Variants in NGDN observed in about 807,000 individuals in gnomAD.
NGDN encodes neuroguidin.
A neutral mutation model predicts 45.2 loss-of-function variants in NGDN; 41 were observed. The ratio of observed to expected loss-of-function variants is 0.91; its 90% CI spans 0.71 to 1.18. NGDN has a LOEUF of 1.18. Among genes scored for constraint, NGDN ranks in the 50% most tolerant of loss-of-function variants. NGDN has a pLI of 0.00. For synonymous variants in NGDN, 137 were observed against 130.9 expected (o/e 1.05, Z -0.32); for missense variants, 402 against 399.9 (o/e 1.01, Z -0.05).
chr14:23,477,947 C>T (rs1222542874), intron 10 of NGDN, 60 bp from the exon 11 acceptor site: 1 of 1,614,046 alleles, frequency 6.2e-7, no homozygotes, highest in Non-Finnish European at 8.5e-7. Flanking sequence ...GTCCTGTTTT[C>T]CTGTCCCTTT....
chr14:23,475,044 C>G lies in NGDN; in HGVS notation c.145-127C>G, dbSNP rs536460567. ...GGCATAGCTACTTCTTGAGACTATT[C>G]CAGATACCTAATATGAACTGATTGG... is the stretch of plus-strand genomic sequence containing the variant. On this transcript the variant is annotated intron_variant, in intron 3 of 10. Coordinates refer to ENST00000408901, the MANE Select transcript of NGDN (RefSeq NM_001042635.2). The G allele has an allele frequency of 1.3e-4, 108 of 858,790 alleles. 1 individual carries two copies. In the South Asian group the frequency reaches 2.1e-3, roughly 17 times the overall value. 53.2% of individuals were successfully genotyped at this position (858,790 alleles called of 1,614,324 possible).
intron 3 of NGDN, among the ~76,000 whole-genome samples, chr14:23,472,967 T>TA (rs1893817496): frequency 6.6e-6 from 1 of 152,158 alleles, no homozygotes. Context: ...CTCAAATTCT[T>TA]ACCTGTTTTT....
At chr14:23,473,096 T>C (rs1595105709) in intron 3 of NGDN, among the ~76,000 whole-genome samples, 1 of 152,046 alleles carries the variant, frequency 6.6e-6, no homozygotes, top group Non-Finnish European at 1.5e-5. Flanking sequence ...GCCTCCTGGG[T>C]TCAAGTGATT....
intron 3 of NGDN, among the ~76,000 whole-genome samples, chr14:23,474,777 A>C (rs1233226156): frequency 6.6e-6 from 1 of 152,216 alleles, no homozygotes; most frequent in African/African-American, 2.4e-5. Flanking sequence ...TTTGATTGTT[A>C]GAGCTTGGAG....
rs377132524 is a variant in NGDN, at chr14:23,470,731, T to A, written c.73-175T>A. ...AAGAAGTGGAAAGTTTTTTTTTTTT[T>A]AAACTTTTTGAAGAACCATCTCTCC... On this transcript the variant is annotated intron_variant, in intron 2 of 10. Transcript: ENST00000408901. Among the ~76,000 whole-genome samples, 91 of 136,700 alleles carry A rather than the reference T, an allele frequency of 6.7e-4. 1 individual carries two copies. Among genetic ancestry groups the A allele is most frequent in the Non-Finnish European group, 3.6e-4 (22 of 61,728 alleles). The allele number at this position is 136,700 out of a possible 152,430, so 89.7% of individuals were successfully genotyped here.
Position 23,475,282 on chromosome 14 carries a change from G to T in NGDN, c.256G>T (p.Val86Phe). Residue 86 changes from valine to phenylalanine, a missense_variant, in exon 4 of 11, where the codon GTT (valine) becomes TTT (phenylalanine). Coordinates refer to ENST00000408901, the MANE Select transcript of NGDN (RefSeq NM_001042635.2). ...SGGSLQGHDA[V>F]LRLVEIRTVL... ...AGGATCTCTTCAGGGACATGATGCA[G>T]TTTTGAGACTGGTGGAGATTCGCAC... 6.2e-7 allele frequency: 1 copy of T among 1,613,488 alleles called. No homozygotes were observed. Among genetic ancestry groups the T allele is most frequent in the South Asian group, 1.1e-5 (1 of 90,912 alleles).
At chr14:23,477,646 A>G in intron 10 of NGDN, 86 bp downstream of exon 10, 5 of 1,590,122 alleles carry the variant, frequency 3.1e-6, no homozygotes, top group Non-Finnish European at 3.4e-6. Context: ...TCTGGGTCTC[A>G]CCAAGCCCTG....
chr14:23,478,126 T>C lies in NGDN; in HGVS notation c.*100T>C. On this transcript the variant is annotated 3_prime_UTR_variant, in exon 11 of 11. Coordinates refer to ENST00000408901, the MANE Select transcript of NGDN (RefSeq NM_001042635.2). ...CCTGGAATTCATTAATTGTTTGCTT[T>C]GGACATGTGGAAAGAGCCTTACTAA... 1 of 1,210,136 alleles carries C rather than the reference T, an allele frequency of 8.3e-7. No homozygotes were observed. The allele number at this position is 1,210,136 out of a possible 1,614,324, so 75.0% of individuals were successfully genotyped here.
chr14:23,475,952 G>A, intron 6 of NGDN, 77 bp from the exon 7 acceptor site: 1 of 1,574,750 alleles, frequency 6.4e-7, no homozygotes, highest in Non-Finnish European at 8.7e-7. Flanking sequence ...ACCACCCCAG[G>A]GTACTCCAGC....
chr14:23,471,420 G>A (rs992768573), intron 3 of NGDN: 4 of 155,684 alleles, frequency 2.6e-5, no homozygotes, highest in Non-Finnish European at 4.3e-5. Context: ...GACTGGAAAA[G>A]TCACTCTGAA....
chr14:23,477,799 A>G (rs1237054793), intron 10 of NGDN: 1 of 1,458,616 alleles, frequency 6.9e-7, no homozygotes, highest in Non-Finnish European at 9.0e-7. Context: ...AGGCTTCCCT[A>G]AATAGAACTG....
At chr14:23,476,443 C>G (rs1486226476) in intron 8 of NGDN, 36 bp downstream of exon 8, 2 of 1,565,608 alleles carry the variant, frequency 1.3e-6, no homozygotes, top group African/African-American at 1.4e-5. Context: ...TTCCTGCACT[C>G]TAGAGTCCTG....
chr14:23,478,485 C>T (rs971854849), downstream of NGDN: 2 of 154,782 alleles, frequency 1.3e-5, no homozygotes, highest in African/African-American at 2.4e-5. Flanking sequence ...GGGCTGGCCA[C>T]CAGGTGGCAT....
Position 23,476,417 on chromosome 14 carries a change from C to G in NGDN, c.713+10C>G. 1 of 1,600,696 alleles carries G rather than the reference C, an allele frequency of 6.2e-7. No homozygotes were observed. Among genetic ancestry groups the G allele is most frequent in the Non-Finnish European group, 8.5e-7 (1 of 1,172,634 alleles). ...AGGAGGACCAACACAGGTCTGAGCC[C>G]TTGCATTAGAAATTATTCCTGCACT... is the stretch of plus-strand genomic sequence containing the variant. On this transcript the variant is annotated intron_variant, in intron 8 of 10. Coordinates refer to ENST00000408901, the MANE Select transcript of NGDN (RefSeq NM_001042635.2).
Position 23,471,089 on chromosome 14 carries a change from T to C in NGDN, c.144+112T>C, listed in dbSNP as rs1893768040. On this transcript the variant is annotated intron_variant, in intron 3 of 10. Coordinates refer to ENST00000408901, the MANE Select transcript of NGDN (RefSeq NM_001042635.2). The stretch of plus-strand genomic sequence containing the variant: ...TAAGTGCTCGAGCTTCAAACATAAA[T>C]ATGATCCAGTTTCTGTGCTGAAGTC... 3.1e-6 allele frequency: 2 copies of C among 648,350 alleles called. 1 individual carries two copies. Among genetic ancestry groups the C allele is most frequent in the South Asian group, 6.2e-5 (2 of 32,414 alleles). 40.2% of individuals were successfully genotyped at this position (648,350 alleles called of 1,614,324 possible).
chr14:23,476,547 A>G (rs1240813398), intron 8 of NGDN, 140 bp downstream of exon 8: 1 of 901,084 alleles, frequency 1.1e-6, no homozygotes, highest in African/African-American at 1.7e-5. Context: ...GATAGTTTCT[A>G]AGAATCAGGA....
At chr14:23,470,008 T>C in intron 1 of NGDN, 34 bp from the exon 2 acceptor site, 1 of 1,607,916 alleles carries the variant, frequency 6.2e-7, no homozygotes, top group Non-Finnish European at 8.5e-7. Context: ...GAGGAAAGAA[T>C]GACTTTTCTT....
intron 8 of NGDN, 49 bp downstream of exon 8, chr14:23,476,456 C>T (rs915906061): frequency 6.7e-7 from 1 of 1,494,746 alleles, no homozygotes; most frequent in Admixed American, 1.9e-5. Flanking sequence ...GAGTCCTGTC[C>T]TCATGCTTTA....
chr14:23,474,680 C>T (rs191361999), intron 3 of NGDN, among the ~76,000 whole-genome samples: 1 of 152,210 alleles, frequency 6.6e-6, no homozygotes, highest in East Asian at 1.9e-4. Flanking sequence ...TTGTTTTTAC[C>T]TGTATCATAT....
Sources: gnomAD v4.1 joint callset for allele counts (sites outside exome capture counted in the v4.1 genomes callset) on GRCh38, gnomAD v4.1.1 for gene constraint, MANE v1.5 for transcripts, NCBI Gene and HGNC (gene_info 2026-07-23, HGNC 2026-07-21) for gene names.